TNPO1: variants seen among roughly 807,000 people sequenced by gnomAD.
TNPO1 encodes the protein transportin 1, also known as transportin-1.
A neutral mutation model predicts 119.5 loss-of-function variants in TNPO1; 8 were observed. The ratio of observed to expected loss-of-function variants is 0.07; its 90% confidence interval spans 0.04 to 0.12. The LOEUF is 0.12. Among genes scored for constraint, TNPO1 ranks in the 10% least tolerant of loss-of-function variants. The pLI, the probability that TNPO1 is intolerant of heterozygous loss-of-function variation, is 1.00. For missense variants in TNPO1, 576 were observed against 1,089.8 expected, an observed-to-expected ratio of 0.53 and a Z score of 6.64; for synonymous variants, 362 against 363.0, an observed-to-expected ratio of 1.00 and a Z score of 0.03.
At chr5:72,877,412 A>AT in intron 9 of TNPO1, 66 bp downstream of exon 9, 1 of 790,294 alleles carries the variant, frequency 1.3e-6, no homozygotes, top group South Asian at 2.5e-5. Flanking sequence ...TCATTTTCAT[A>AT]TTTTTATAAA....
In TNPO1 at chr5:72,911,287, T is replaced by C. The variant is rs1236680279; in HGVS notation, c.*2614T>C. On this transcript the variant is annotated 3_prime_UTR_variant, in exon 25 of 25. Coordinates refer to ENST00000337273, the MANE Select transcript of TNPO1 (RefSeq NM_002270.4). ...CCAGTTAGGCAGATGAATAACACTA[T>C]TAAAAATGCACCCAGTTTTGTAGTC... The C allele has an allele frequency of 6.6e-6, 1 of 152,138 alleles. No individual in the cohort carries two copies. The highest frequency in any genetic ancestry group is 1.9e-4 in the East Asian group (1 of 5,206). The allele number at this position is 152,138 out of a possible 1,614,324, so 9.4% of individuals were successfully genotyped here.
intron 3 of TNPO1, among the ~76,000 whole-genome samples, chr5:72,851,724 C>T (rs1745582724): frequency 6.6e-6 from 1 of 152,170 alleles, no homozygotes; most frequent in Non-Finnish European, 1.5e-5. Flanking sequence ...GAACTCCTGG[C>T]CTCTGGGGAT....
chr5:72,896,984 A>G (rs562323947), intron 19 of TNPO1, 72 bp from the exon 20 acceptor site: 382 of 892,260 alleles, frequency 4.3e-4, no homozygotes, highest in Non-Finnish European at 5.6e-4. Flanking sequence ...ACGGGAAGCA[A>G]AATATTTCAC....
In TNPO1 at chr5:72,893,223, C is replaced by G; in HGVS notation, c.1873C>G (p.Gln625Glu). 1.2e-6 allele frequency: 2 copies of G among 1,613,990 alleles called. No homozygotes were observed. The highest frequency in any genetic ancestry group is 1.7e-6 in the Non-Finnish European group (2 of 1,179,974). The change falls in exon 16 of 25, where the codon CAG (glutamine) becomes GAG (glutamate). Residue 625 changes from glutamine to glutamate, a missense_variant. Physicochemically the swap from Gln to Glu is conservative, Grantham distance 29 (BLOSUM62 2). This residue lies in a region of TNPO1 where 21 missense variants were observed against 23.9 expected (regional missense o/e 0.88). Transcript: ENST00000337273. The stretch of plus-strand genomic sequence containing the variant: ...GTATCAGCGTTGTGTAAACCTAGTA[C>G]AGAAGACTCTTGCACAAGCCATGGT... Reference protein sequence around the residue: ...PVYQRCVNLVQKTLAQAMLNN... With the variant: ...PVYQRCVNLVEKTLAQAMLNN...
At chr5:72,870,853 CTT>C (rs1747338405) in intron 6 of TNPO1, among the ~76,000 whole-genome samples, 2 of 152,016 alleles carry the variant, frequency 1.3e-5, no homozygotes, top group Admixed American at 1.3e-4. Context: ...CTTTAAAAGA[CTT>C]TATTGTATTT....
intron 13 of TNPO1, 141 bp downstream of exon 13, chr5:72,888,444 T>C (rs1490743658): frequency 4.1e-6 from 3 of 735,216 alleles, no homozygotes; most frequent in Non-Finnish European, 6.6e-6. Context: ...AGCTTAGTTT[T>C]CTTTTTTCTT....
At chr5:72,847,174 T>G (rs1745167628) in intron 1 of TNPO1, among the ~76,000 whole-genome samples, 1 of 152,092 alleles carries the variant, frequency 6.6e-6, no homozygotes, top group African/African-American at 2.4e-5. Context: ...AAAGGCATTT[T>G]TAAAAAGAAA....
intron 9 of TNPO1, among the ~76,000 whole-genome samples, chr5:72,880,564 C>T (rs1384779826): frequency 2.6e-5 from 4 of 152,134 alleles, no homozygotes; most frequent in East Asian, 1.9e-4. Context: ...CCTGTAATCC[C>T]AGCACTTTGG....
rs1478350958 is a variant in TNPO1 at position 72,903,698 on chromosome 5, G to T, written c.2515-11G>T. On this transcript the variant is annotated splice_polypyrimidine_tract_variant and intron_variant, in intron 22 of 24. Coordinates refer to ENST00000337273, the MANE Select transcript of TNPO1 (RefSeq NM_002270.4). ...AATATCAACCTAAGATGTATTTCTT[G>T]CTTGTTACAGGATTTTATATTTTTT... The T allele has an allele frequency of 3.1e-6, 5 of 1,589,086 alleles. No individual in the cohort carries two copies. In the Admixed American group the frequency reaches 5.2e-5, roughly 17 times the overall value.
chr5:72,898,416 CAT>C (rs1294175192), intron 20 of TNPO1, among the ~76,000 whole-genome samples: 2 of 151,984 alleles, frequency 1.3e-5, no homozygotes, highest in African/African-American at 4.8e-5. Context: ...ATAAATAAGT[CAT>C]AATGCCCTAA....
At chr5:72,873,064 T>G (rs1747525624) in intron 7 of TNPO1, among the ~76,000 whole-genome samples, 1 of 152,112 alleles carries the variant, frequency 6.6e-6, no homozygotes, top group African/African-American at 2.4e-5. Flanking sequence ...ATGCAGTTTT[T>G]GAAATGTGAA....
chr5:72,817,234 C>T (rs34646), intron 1 of TNPO1, among the ~76,000 whole-genome samples: 26,960 of 152,202 alleles, frequency 0.18, 2,633 homozygotes, highest in South Asian at 0.25. Context: ...CCGCACACAG[C>T]GCCCATCGTC....
At chr5:72,836,243 G>T (rs539006920) in intron 1 of TNPO1, among the ~76,000 whole-genome samples, 1 of 152,370 alleles carries the variant, frequency 6.6e-6, no homozygotes, top group Non-Finnish European at 1.5e-5. Context: ...GGCCTCTGCG[G>T]TGGCCCCACC....
intron 3 of TNPO1, among the ~76,000 whole-genome samples, chr5:72,854,247 A>T (rs1296356619): frequency 6.6e-6 from 1 of 152,198 alleles, no homozygotes; most frequent in African/African-American, 2.4e-5. Context: ...TTTGAGACGG[A>T]GTCTCGCAAT....
intron 14 of TNPO1, 91 bp downstream of exon 14, chr5:72,890,048 G>T: frequency 6.9e-7 from 1 of 1,440,616 alleles, no homozygotes; most frequent in East Asian, 2.4e-5. Flanking sequence ...AAGATGTTTT[G>T]GGAGATGTGA....
chr5:72,831,842 A>G (rs913245874), intron 1 of TNPO1, among the ~76,000 whole-genome samples: 1 of 152,060 alleles, frequency 6.6e-6, no homozygotes, highest in Admixed American at 6.5e-5. Context: ...AAGTACATTA[A>G]TTGTCTAGGT....
intron 2 of TNPO1, among the ~76,000 whole-genome samples, chr5:72,849,005 C>T (rs1580387922): frequency 1.3e-5 from 2 of 152,210 alleles, no homozygotes; most frequent in African/African-American, 4.8e-5. Context: ...GGGGTTTGAA[C>T]TGCAGCTGTG....
At chr5:72,844,529 G>A (rs1745044448) in intron 1 of TNPO1, among the ~76,000 whole-genome samples, 2 of 152,234 alleles carry the variant, frequency 1.3e-5, no homozygotes, top group African/African-American at 4.8e-5. Flanking sequence ...TGAACCAGAT[G>A]ATGAAGAGAC....
At chr5:72,821,122 T>C (rs1743938805) in intron 1 of TNPO1, among the ~76,000 whole-genome samples, 1 of 152,126 alleles carries the variant, frequency 6.6e-6, no homozygotes, top group African/African-American at 2.4e-5. Flanking sequence ...AGCAAAAAAA[T>C]ATGTGTTTCA....
Sources: gnomAD v4.1 joint callset for allele counts (sites outside exome capture counted in the v4.1 genomes callset) on GRCh38, gnomAD v4.1.1 for gene constraint, gnomAD v4.1.1 regional missense constraint, MANE v1.5 for transcripts, NCBI Gene and HGNC (gene_info 2026-07-23, HGNC 2026-07-21) for gene names.